ELMO1: variants seen among roughly 807,000 people sequenced by gnomAD.
ELMO1 encodes engulfment and cell motility 1, also known as engulfment and cell motility protein 1.
In ELMO1, 26 loss-of-function variants were observed where a neutral mutation model predicts 98.9. That is an observed-to-expected ratio of 0.26 (90% CI 0.19 to 0.36). The LOEUF (loss-of-function observed/expected upper bound fraction) is 0.36. ELMO1 is among the 10% of genes least tolerant of loss of function. The pLI, the probability that ELMO1 is intolerant of heterozygous loss-of-function variation, is 1.00. For missense variants in ELMO1, 627 were observed against 935.2 expected (o/e 0.67, Z 4.30); for synonymous variants, 346 against 346.0 (o/e 1.00, Z 0.00).
intron 2 of ELMO1, among the ~76,000 whole-genome samples, chr7:37,332,478 C>G (rs1800184829): frequency 6.6e-6 from 1 of 152,226 alleles, no homozygotes; most frequent in African/African-American, 2.4e-5. Context: ...AAGTTCTACA[C>G]AGCAAGCACC....
chr7:37,405,318 G>A (rs1234354051), intron 1 of ELMO1, among the ~76,000 whole-genome samples: 9 of 152,024 alleles, frequency 5.9e-5, no homozygotes, highest in East Asian at 1.9e-4. Flanking sequence ...CAATGTTTCC[G>A]ACCCCCTCCC....
At chr7:37,113,553 C>T (rs146995098) in intron 14 of ELMO1, among the ~76,000 whole-genome samples, 2,409 of 152,218 alleles carry the variant, frequency 0.016, 57 homozygotes, top group African/African-American at 0.055. Context: ...TACCCAGGAA[C>T]AGATTCCTAG....
At chr7:37,288,799 G>C (rs1429006264) in intron 4 of ELMO1, among the ~76,000 whole-genome samples, 1 of 152,198 alleles carries the variant, frequency 6.6e-6, no homozygotes, top group Non-Finnish European at 1.5e-5. Flanking sequence ...CCCACATGTA[G>C]TCTTATTTTT....
At chr7:36,964,810 G>T (rs951575664) in intron 16 of ELMO1, among the ~76,000 whole-genome samples, 2 of 152,194 alleles carry the variant, frequency 1.3e-5, no homozygotes, top group Non-Finnish European at 2.9e-5. Context: ...AGCCATTTTG[G>T]AAGTCGAAGG....
chr7:37,389,115 A>C (rs1215534141), intron 1 of ELMO1, among the ~76,000 whole-genome samples: 1 of 152,194 alleles, frequency 6.6e-6, no homozygotes, highest in Non-Finnish European at 1.5e-5. Flanking sequence ...AAGAAATAAC[A>C]ATGCAACACC....
chr7:36,968,158 T>C (rs1789607129), intron 16 of ELMO1, among the ~76,000 whole-genome samples: 1 of 152,328 alleles, frequency 6.6e-6, no homozygotes, highest in Middle Eastern at 3.4e-3. Flanking sequence ...CTTTTTTTTC[T>C]AGATGAAATC....
chr7:36,982,764 C>G (rs1032708693), intron 16 of ELMO1, among the ~76,000 whole-genome samples: 2 of 152,322 alleles, frequency 1.3e-5, no homozygotes, highest in East Asian at 3.8e-4. Context: ...TTCTAGCAGC[C>G]TAACCCCTTC....
In ELMO1 at chr7:37,406,430, A is replaced by AG. The variant is rs1222911908; in HGVS notation, c.-74+42244_-74+42245insC. Among the ~76,000 whole-genome samples, 3 of 142,880 alleles carry AG rather than the reference A, an allele frequency of 2.1e-5. No homozygotes were observed. In the East Asian group the frequency reaches 6.9e-4, roughly 33 times the overall value. The allele number at this position is 142,880 out of a possible 152,430, so 93.7% of individuals were successfully genotyped here. A position where few individuals can be genotyped will look rare whatever the true frequency, so the allele number is the denominator to read the frequency against. Reference sequence around the variant, plus strand: ...AGAAAAATGAAAGTGAGGAAGTAAGAAAATTTTTTTTTTTTATGAGACAGA... The same window carrying AG: ...AGAAAAATGAAAGTGAGGAAGTAAGAGAAATTTTTTTTTTTTATGAGACAGA... On this transcript the variant is annotated intron_variant, in intron 1 of 21. Transcript: ENST00000310758.
chr7:36,869,424 T>C (rs1166277827), intron 20 of ELMO1, among the ~76,000 whole-genome samples: 2 of 152,232 alleles, frequency 1.3e-5, no homozygotes, highest in Non-Finnish European at 2.9e-5. Context: ...CCCTGTCTTA[T>C]AACAATAGAA....
At chr7:36,918,615 T>G (rs1346238898) in intron 16 of ELMO1, among the ~76,000 whole-genome samples, 1 of 152,190 alleles carries the variant, frequency 6.6e-6, no homozygotes, top group African/African-American at 2.4e-5. Context: ...GGGTCCACAG[T>G]ACATTTTGAA....
At chr7:37,150,160 A>G (rs906046336) in intron 13 of ELMO1, among the ~76,000 whole-genome samples, 2 of 152,196 alleles carry the variant, frequency 1.3e-5, no homozygotes, top group Non-Finnish European at 2.9e-5. Flanking sequence ...TAATTTTGAC[A>G]TGCTAGGGAT....
chr7:37,314,339 T>C (rs1799040374), intron 4 of ELMO1, among the ~76,000 whole-genome samples: 1 of 152,192 alleles, frequency 6.6e-6, no homozygotes, highest in African/African-American at 2.4e-5. Context: ...GCCATTGCTG[T>C]CTTCACAAAT....
At position 36,924,903 on chromosome 7, in the gene ELMO1, G is replaced by GA. The variant is rs200197804; in HGVS notation, c.1438-29887dup. On this transcript the variant is annotated intron_variant, in intron 16 of 21. Transcript: ENST00000310758. ...TGCCCTCACTTTGCATTCTGTGGAG[G>GA]AAAAAAAGCTGATGACTTTGAGGAT... 8.5e-4 allele frequency among the ~76,000 whole-genome samples: 129 copies of GA among 152,208 alleles called. 2 individuals are homozygous for GA. In the East Asian group the frequency reaches 0.02, roughly 24 times the overall value.
intron 13 of ELMO1, among the ~76,000 whole-genome samples, chr7:37,167,106 C>A (rs1333412070): frequency 6.6e-6 from 1 of 152,070 alleles, no homozygotes; most frequent in African/African-American, 2.4e-5. Context: ...CCTTCTTTTT[C>A]TCTTTTGATC....
chr7:37,399,240 C>A (rs1296247204), intron 1 of ELMO1, among the ~76,000 whole-genome samples: 2 of 152,310 alleles, frequency 1.3e-5, no homozygotes, highest in South Asian at 4.1e-4. Flanking sequence ...CAAACTCGTG[C>A]AGAAGGGAGA....
chr7:37,029,754 A>C (rs1236536413), intron 15 of ELMO1, among the ~76,000 whole-genome samples: 1 of 152,208 alleles, frequency 6.6e-6, no homozygotes, highest in African/African-American at 2.4e-5. Flanking sequence ...TGGTATTCCT[A>C]CGAATAAAAC....
At chr7:37,321,353 G>C (rs1799480008) in intron 2 of ELMO1, among the ~76,000 whole-genome samples, 1 of 152,130 alleles carries the variant, frequency 6.6e-6, no homozygotes, top group South Asian at 2.1e-4. Context: ...TGAGAGTAGA[G>C]TGATATGAAT....
At chr7:37,371,624 G>A (rs1486616683) in intron 1 of ELMO1, among the ~76,000 whole-genome samples, 1 of 152,160 alleles carries the variant, frequency 6.6e-6, no homozygotes, top group Non-Finnish European at 1.5e-5. Context: ...CAATCTAGAG[G>A]AATCTAGGAT....
At chr7:37,296,247 T>C (rs74553353) in intron 4 of ELMO1, among the ~76,000 whole-genome samples, 196 of 152,264 alleles carry the variant, frequency 1.3e-3, no homozygotes, top group Middle Eastern at 6.8e-3. Flanking sequence ...TTCTTGTGAT[T>C]ACACAACCAA....
Sources: allele counts gnomAD v4.1 joint callset (sites outside exome capture counted in the v4.1 genomes callset), GRCh38; gene constraint gnomAD v4.1.1; transcripts MANE v1.5; gene names NCBI Gene and HGNC (gene_info 2026-07-23, HGNC 2026-07-21).